Variants in MYH4 observed in about 807,000 individuals in gnomAD.
MYH4 encodes myosin-4.
MYH4 carries 200 observed loss-of-function variants against 229.9 expected under a neutral mutation model. That is an observed-to-expected ratio of 0.87 (90% CI 0.78 to 0.98). The LOEUF is 0.98. Ranked by LOEUF, MYH4 falls within the 50% of genes least tolerant of loss-of-function variation. The pLI is 0.00. For missense variants in MYH4, 2,148 were observed against 2,332.6 expected, an observed-to-expected ratio of 0.92 and a Z score of 1.63; for synonymous variants, 761 against 834.6, an observed-to-expected ratio of 0.91 and a Z score of 1.52.
intron 11 of MYH4, among the ~76,000 whole-genome samples, chr17:10,461,623 A>G (rs769023737): frequency 2.6e-5 from 4 of 152,094 alleles, no homozygotes; most frequent in Non-Finnish European, 5.9e-5. Flanking sequence ...CAGCTCAGCG[A>G]CCACGAGATG....
intron 22 of MYH4, 91 bp downstream of exon 22, chr17:10,454,464 A>G (rs2072614858): frequency 1.3e-6 from 2 of 1,511,700 alleles, no homozygotes; most frequent in African/African-American, 2.8e-5. Context: ...TTGAACAGCA[A>G]ACAATCAGAA....
intron 16 of MYH4, 137 bp downstream of exon 16, chr17:10,457,283 T>TA: frequency 1.0e-6 from 1 of 974,290 alleles, no homozygotes; most frequent in Non-Finnish European, 1.5e-6. Context: ...TCACAGTTAT[T>TA]AAATACACTT....
At position 10,466,339 on chromosome 17, in the gene MYH4, C is replaced by T; in HGVS notation, c.282G>A (p.Met94Ile). The change falls in exon 4 of 40, where the codon ATG becomes ATA. Residue 94 changes from methionine to isoleucine, a missense_variant. By Grantham distance (10) the Met-to-Ile change is conservative. Transcript: ENST00000255381. ...GCACAGCAGGCTCATGCAGGTGAGTCATCATGGCCATGTCCTCGATCTTGT... is the reference window on the plus strand; with the variant it reads ...GCACAGCAGGCTCATGCAGGTGAGTTATCATGGCCATGTCCTCGATCTTGT... Reference protein sequence around the residue: ...KYDKIEDMAMMTHLHEPAVLY... With the variant: ...KYDKIEDMAMITHLHEPAVLY... The T allele has an allele frequency of 6.2e-6, 10 of 1,614,142 alleles. No individual in the cohort carries two copies. The highest frequency in any genetic ancestry group is 8.5e-6 in the Non-Finnish European group (10 of 1,180,024).
chr17:10,467,489 T>C (rs929020123), intron 2 of MYH4, among the ~76,000 whole-genome samples: 2 of 152,212 alleles, frequency 1.3e-5, no homozygotes, highest in African/African-American at 4.8e-5. Context: ...TGAAATTGTT[T>C]GAAAGTCAGA....
intron 23 of MYH4, 122 bp from the exon 24 acceptor site, chr17:10,453,450 C>A: frequency 6.4e-7 from 1 of 1,572,520 alleles, no homozygotes; most frequent in South Asian, 1.2e-5. Context: ...CAGGAGCTAA[C>A]CCAGGCCTAT....
In MYH4 at chr17:10,464,805, C is replaced by T. The variant is rs1268656630; in HGVS notation, c.506-97G>A. On this transcript the variant is annotated intron_variant, in intron 5 of 39. Coordinates refer to ENST00000255381, the MANE Select transcript of MYH4 (RefSeq NM_017533.2). Reference sequence around the variant, plus strand: ...ACTCAAAATTGTCTTTTAAAACTCCCCATTTGCAAAAATAACTATATGAAT... The same window carrying T: ...ACTCAAAATTGTCTTTTAAAACTCCTCATTTGCAAAAATAACTATATGAAT... 1.5e-5 allele frequency: 18 copies of T among 1,201,662 alleles called. No homozygotes were observed. In the Admixed American group the frequency reaches 3.9e-4, roughly 26 times the overall value. The allele number at this position is 1,201,662 out of a possible 1,614,324, so 74.4% of individuals were successfully genotyped here. A position where few individuals can be genotyped will look rare whatever the true frequency, so the allele number is the denominator to read the frequency against.
chr17:10,458,187 T>C (rs574639527), intron 15 of MYH4, among the ~76,000 whole-genome samples: 1 of 152,328 alleles, frequency 6.6e-6, no homozygotes, highest in South Asian at 2.1e-4. Flanking sequence ...TTCTGTACTT[T>C]AACCTATATT....
rs142378945 is a variant in MYH4 at position 10,451,298 on chromosome 17, C to T, written c.3865+28G>A. 5.2e-4 allele frequency: 833 copies of T among 1,610,508 alleles called. 5 individuals are homozygous for T. In the African/African-American group the frequency reaches 9.7e-3, roughly 19 times the overall value. On this transcript the variant is annotated intron_variant, in intron 28 of 39. Coordinates refer to ENST00000255381, the MANE Select transcript of MYH4 (RefSeq NM_017533.2). ...GCTTGTCTTTCATTCGTCACCTCTC[C>T]GAAGGTTGATGCTATTTATTTACTG...
rs201770076 is a variant in MYH4, at chr17:10,443,493, C to A, written c.5702G>T (p.Arg1901Leu). Residue 1901 changes from arginine to leucine, a missense_variant, in exon 40 of 40, where the codon CGC becomes CTC. Coordinates refer to ENST00000255381, the MANE Select transcript of MYH4 (RefSeq NM_017533.2). This position sits in a 1 kb window ranked among gnomAD's most constrained non-coding sequence, Gnocchi z 4.6. The stretch of plus-strand genomic sequence containing the variant: ...CTCCTCCAGCTCGTGCTGGAGCTTG[C>A]GGAACTTGGCAAGGTTGACATTGGA... ...EQSNVNLAKF[R>L]KLQHELEEAK... 1 of 1,613,876 alleles carries A rather than the reference C, an allele frequency of 6.2e-7. No individual in the cohort carries two copies. Among genetic ancestry groups the A allele is most frequent in the Non-Finnish European group, 8.5e-7 (1 of 1,179,884 alleles).
Position 10,451,044 on chromosome 17 carries a change from T to G in MYH4, c.3866-149A>C. 4 of 862,328 alleles carry G rather than the reference T, an allele frequency of 4.6e-6. No homozygotes were observed. In the South Asian group the frequency reaches 7.3e-5, roughly 16 times the overall value. 53.4% of individuals were successfully genotyped at this position (862,328 alleles called of 1,614,324 possible). On this transcript the variant is annotated intron_variant, in intron 28 of 39. Coordinates refer to ENST00000255381, the MANE Select transcript of MYH4 (RefSeq NM_017533.2). The stretch of plus-strand genomic sequence containing the variant: ...ATGTTGAGAAGGTTATTTCTTGCTT[T>G]TTAAAAAATGTATGAGTTTTCTTTG...
chr17:10,467,484 T>C (rs767525405), intron 2 of MYH4, among the ~76,000 whole-genome samples: 2 of 152,214 alleles, frequency 1.3e-5, no homozygotes, highest in Non-Finnish European at 2.9e-5. Flanking sequence ...AGTTTTGAAA[T>C]TGTTTGAAAG....
chr17:10,462,015 A>G (rs2072708725), intron 11 of MYH4, among the ~76,000 whole-genome samples: 1 of 152,174 alleles, frequency 6.6e-6, no homozygotes, highest in African/African-American at 2.4e-5. Context: ...ACTTTTGGAC[A>G]TACAAAGATA....
At chr17:10,459,809 A>G in intron 14 of MYH4, 143 bp downstream of exon 14, 2 of 1,476,748 alleles carry the variant, frequency 1.4e-6, no homozygotes, top group South Asian at 1.3e-5. Context: ...ATTTATACCT[A>G]TTTACTTTTC....
In MYH4 at chr17:10,452,820, T is replaced by C; in HGVS notation, c.3224A>G (p.Asn1075Ser). Reference protein sequence around the residue: ...LAQESTMDTENDKQQLNEKLK... With the variant: ...LAQESTMDTESDKQQLNEKLK... ...TTTCTCATTAAGTTGCTGTTTGTCA[T>C]TTTCTGTATCCATTGTGGATTCTTG... Residue 1075 changes from asparagine to serine, a missense_variant, in exon 25 of 40, where the codon AAT becomes AGT. Transcript: ENST00000255381. 6.2e-7 allele frequency: 1 copy of C among 1,609,278 alleles called. No homozygotes were observed. Among genetic ancestry groups the C allele is most frequent in the South Asian group, 1.1e-5 (1 of 89,030 alleles).
chr17:10,467,939 T>C (rs1189458430), intron 2 of MYH4, among the ~76,000 whole-genome samples: 1 of 152,214 alleles, frequency 6.6e-6, no homozygotes, highest in Non-Finnish European at 1.5e-5. Context: ...ACAACAGCAA[T>C]AGCCACCACC....
At chr17:10,450,185 T>C (rs959616545) in intron 30 of MYH4, among the ~76,000 whole-genome samples, 6 of 152,202 alleles carry the variant, frequency 3.9e-5, no homozygotes, top group African/African-American at 7.2e-5. Flanking sequence ...TCATAAATAA[T>C]ATTCTGATAA....
chr17:10,447,036 G>A lies in MYH4; in HGVS notation c.5146C>T (p.Arg1716Cys), dbSNP rs201824445. 103 of 1,614,050 alleles carry A rather than the reference G, an allele frequency of 6.4e-5. 1 individual carries two copies. The highest frequency in any genetic ancestry group is 2.2e-4 in the Admixed American group (13 of 60,022). The change falls in exon 35 of 40, where the codon CGT (arginine) becomes TGT (cysteine). Residue 1716 changes from arginine to cysteine, a missense_variant. Transcript: ENST00000255381. ...ACCTGAGTGTGCAGAAGTTGCACAC[G>A]TTCACTGGCATCCAGAAGCTCTTGC... ...AEQELLDASE[R>C]VQLLHTQNTS...
intron 7 of MYH4, 21 bp from the exon 8 acceptor site, chr17:10,463,664 CAG>C: frequency 6.4e-7 from 1 of 1,555,790 alleles, no homozygotes; most frequent in South Asian, 1.2e-5. Context: ...ATGAATAAGA[CAG>C]ACAAAGAAAA....
chr17:10,463,711 C>G (rs1173323341), intron 7 of MYH4, 68 bp from the exon 8 acceptor site: 1 of 1,244,336 alleles, frequency 8.0e-7, no homozygotes, highest in East Asian at 2.3e-5. Context: ...TGACCTCTTT[C>G]CCTTCCCCAT....
Sources: allele counts gnomAD v4.1 joint callset (sites outside exome capture counted in the v4.1 genomes callset), GRCh38; gene constraint gnomAD v4.1.1; non-coding constraint Gnocchi (gnomAD v3.1); transcripts MANE v1.5; gene names NCBI Gene and HGNC (gene_info 2026-07-23, HGNC 2026-07-21).